TRAK2: variants seen among roughly 807,000 people sequenced by gnomAD.
TRAK2 encodes the protein trafficking kinesin-binding protein 2.
TRAK2 carries 81 observed loss-of-function variants against 104.6 expected under a neutral mutation model. The ratio of observed to expected loss-of-function variants is 0.77; its 90% CI spans 0.65 to 0.93. The LOEUF (loss-of-function observed/expected upper bound fraction) is 0.93, where lower values mean the gene tolerates loss of function less well. TRAK2 is among the 40% of genes least tolerant of loss of function. The pLI is 0.00. For missense variants in TRAK2, 1,002 were observed against 1,089.0 expected, an observed-to-expected ratio of 0.92 and a Z score of 1.12; for synonymous variants, 406 against 394.4, an observed-to-expected ratio of 1.03 and a Z score of -0.35.
chr2:201,412,081 G>A, intron 2 of TRAK2: 2 of 1,116,278 alleles, frequency 1.8e-6, no homozygotes, highest in Non-Finnish European at 2.8e-6. Context: ...TAAACACAGG[G>A]CCAAGTTCAG....
At chr2:201,440,605 AT>A (rs1314232305) in intron 1 of TRAK2, among the ~76,000 whole-genome samples, 2 of 152,182 alleles carry the variant, frequency 1.3e-5, no homozygotes, top group African/African-American at 4.8e-5. Flanking sequence ...CTCTTCCTCT[AT>A]TCTTTTGTGA....
intron 2 of TRAK2, among the ~76,000 whole-genome samples, chr2:201,409,786 T>C (rs1559446059): frequency 6.6e-6 from 1 of 152,206 alleles, no homozygotes; most frequent in South Asian, 2.1e-4. Context: ...AGCATCAAGA[T>C]TTTTTACATA....
At position 201,378,855 on chromosome 2, in the gene TRAK2, T is replaced by G. The variant is rs1951312145; in HGVS notation, c.*1688A>C. ...TTTTACCACTGCATTCATGTTGGCT[T>G]TTTGAGCACATAGCTCTAAGTGGGG... On this transcript the variant is annotated 3_prime_UTR_variant, in exon 16 of 16. Transcript: ENST00000332624. The G allele has an allele frequency of 6.6e-6, 1 of 152,166 alleles. No individual in the cohort carries two copies. The highest frequency in any genetic ancestry group is 2.4e-5 in the African/African-American group (1 of 41,436). The allele number at this position is 152,166 out of a possible 1,614,324, so 9.4% of individuals were successfully genotyped here. A position where few individuals can be genotyped will look rare whatever the true frequency, so the allele number is the denominator to read the frequency against.
At chr2:201,439,590 T>A (rs866737045) in intron 1 of TRAK2, among the ~76,000 whole-genome samples, 1 of 152,044 alleles carries the variant, frequency 6.6e-6, no homozygotes, top group South Asian at 2.1e-4. Context: ...TATTATAATA[T>A]AATGACTACA....
intron 1 of TRAK2, among the ~76,000 whole-genome samples, chr2:201,421,632 C>G (rs1951741806): frequency 6.6e-6 from 1 of 151,904 alleles, no homozygotes; most frequent in African/African-American, 2.4e-5. Flanking sequence ...ACTTCACTCA[C>G]AATTAAAACA....
Position 201,380,629 on chromosome 2 carries a change from T to C in TRAK2, c.2659A>G (p.Asn887Asp), listed in dbSNP as rs753315562. 2.5e-6 allele frequency: 4 copies of C among 1,614,062 alleles called. No homozygotes were observed. Among genetic ancestry groups the C allele is most frequent in the Non-Finnish European group, 3.4e-6 (4 of 1,179,986 alleles). ...CCCATTATGACTGGAAGACTCTGAT[T>C]CCTCCTTAGTCCACCTAATAAACTG... ...GSSLLGGLRR[N>D]QSLPVIMGSF... The change falls in exon 16 of 16, where the codon AAT becomes GAT. Residue 887 changes from asparagine (N) to aspartate (D), a missense_variant. By Grantham distance (23) the Asn-to-Asp change is conservative. Coordinates refer to ENST00000332624, the MANE Select transcript of TRAK2 (RefSeq NM_015049.3).
chr2:201,398,315 A>G lies in TRAK2; in HGVS notation c.520T>C (p.Leu174=), dbSNP rs1340792676. 1 of 1,613,586 alleles carries G rather than the reference A, an allele frequency of 6.2e-7. No homozygotes were observed. The highest frequency in any genetic ancestry group is 1.7e-5 in the Admixed American group (1 of 59,992). The change falls in exon 6 of 16, where the codon TTA becomes CTA. Residue 174 remains leucine (L), a synonymous_variant. Coordinates refer to ENST00000332624, the MANE Select transcript of TRAK2 (RefSeq NM_015049.3). The stretch of plus-strand genomic sequence containing the variant: ...GAAGCAATGGAGACGATTCGAAGTA[A>G]CTCATCTTTCTTGCATAGCTCATGC... The part of the protein sequence containing the change: ...LQHELCKKDE[L]LRIVSIASEE...
At chr2:201,444,182 C>A (rs181426163) in intron 1 of TRAK2, among the ~76,000 whole-genome samples, 1 of 151,926 alleles carries the variant, frequency 6.6e-6, no homozygotes, top group Non-Finnish European at 1.5e-5. Context: ...GCCTGGGTGA[C>A]AGAGTGAGAC....
intron 1 of TRAK2, among the ~76,000 whole-genome samples, chr2:201,429,409 G>C (rs1274507878): frequency 1.3e-5 from 2 of 152,184 alleles, no homozygotes; most frequent in Non-Finnish European, 2.9e-5. Context: ...ATGTTGGCCT[G>C]CTTTGCTAGG....
intron 10 of TRAK2, among the ~76,000 whole-genome samples, chr2:201,390,284 C>T (rs1951433690): frequency 6.6e-6 from 1 of 151,566 alleles, no homozygotes; most frequent in African/African-American, 2.4e-5. Flanking sequence ...GTGGCTCACA[C>T]CTGTAATCCC....
intron 2 of TRAK2, among the ~76,000 whole-genome samples, chr2:201,418,571 G>C (rs1264265518): frequency 6.6e-6 from 1 of 152,140 alleles, no homozygotes; most frequent in Non-Finnish European, 1.5e-5. Flanking sequence ...TTTCTGTAAA[G>C]ATAGACTTAG....
At chr2:201,433,909 G>C (rs1447223043) in intron 1 of TRAK2, among the ~76,000 whole-genome samples, 1 of 151,954 alleles carries the variant, frequency 6.6e-6, no homozygotes, top group Non-Finnish European at 1.5e-5. Context: ...CTGATTGTCA[G>C]CTGCATGGGT....
chr2:201,423,112 T>C (rs1951757622), intron 1 of TRAK2, among the ~76,000 whole-genome samples: 1 of 149,932 alleles, frequency 6.7e-6, no homozygotes. Flanking sequence ...TGCTGCTCTG[T>C]CACCCAGGCT....
chr2:201,388,427 A>G (rs1382935514), intron 12 of TRAK2, among the ~76,000 whole-genome samples: 2 of 152,242 alleles, frequency 1.3e-5, no homozygotes, highest in Non-Finnish European at 2.9e-5. Flanking sequence ...AAGGCATACT[A>G]TCAGTTACAA....
Position 201,380,441 on chromosome 2 carries a change from T to C in TRAK2, c.*102A>G. The C allele has an allele frequency of 8.3e-7, 1 of 1,209,168 alleles. No homozygotes were observed. Among genetic ancestry groups the C allele is most frequent in the South Asian group, 1.5e-5 (1 of 66,006 alleles). 74.9% of individuals were successfully genotyped at this position (1,209,168 alleles called of 1,614,324 possible). ...CCCCCTTTCACATTCACAACCCTTG[T>C]GCAACATTCCTTTTCTCTCAAGTCA... On this transcript the variant is annotated 3_prime_UTR_variant, in exon 16 of 16. Coordinates refer to ENST00000332624, the MANE Select transcript of TRAK2 (RefSeq NM_015049.3).
Position 201,418,382 on chromosome 2 carries a change from C to T in TRAK2, c.91+2035G>A, listed in dbSNP as rs570949211. Among the ~76,000 whole-genome samples the T allele has an allele frequency of 1.1e-3, 167 of 152,202 alleles. 1 individual carries two copies. The South Asian group carries it at 0.014, about 13-fold the overall frequency. On this transcript the variant is annotated intron_variant, in intron 2 of 15. Coordinates refer to ENST00000332624, the MANE Select transcript of TRAK2 (RefSeq NM_015049.3). ...GTAGAGATGGGGTCTCATTATGTTG[C>T]GCAGGCTGGTCTTGAACTCCTCGGC... is the stretch of plus-strand genomic sequence containing the variant.
chr2:201,406,656 A>T (rs548697529), intron 3 of TRAK2, among the ~76,000 whole-genome samples: 83 of 152,252 alleles, frequency 5.5e-4, no homozygotes, highest in Non-Finnish European at 1.0e-3. Flanking sequence ...TCACAAACAT[A>T]TCAGTATTGA....
At chr2:201,394,715 C>T (rs1951484182) in intron 9 of TRAK2, 83 bp downstream of exon 9, 1 of 1,122,046 alleles carries the variant, frequency 8.9e-7, no homozygotes, top group African/African-American at 1.6e-5. Context: ...GGTAATTCCC[C>T]TTTAATAATT....
rs1379500978 is a variant in TRAK2, at chr2:201,414,565, AAGG to A, written c.91+5849_91+5851del. On this transcript the variant is annotated intron_variant, in intron 2 of 15. Transcript: ENST00000332624. The stretch of plus-strand genomic sequence containing the variant: ...ATATCAGACATCCCTATTCACCCAG[AAGG>A]AGAAGCAGTGGCTTGATCACCACAA... 3.3e-5 allele frequency among the ~76,000 whole-genome samples: 5 copies of A among 152,334 alleles called. No individual in the cohort carries two copies. The South Asian group carries it at 1.0e-3, about 32-fold the overall frequency.
Sources: gnomAD v4.1 joint callset for allele counts (sites outside exome capture counted in the v4.1 genomes callset) on GRCh38, gnomAD v4.1.1 for gene constraint, MANE v1.5 for transcripts, NCBI Gene and HGNC (gene_info 2026-07-23, HGNC 2026-07-21) for gene names.